MBP: variants seen among roughly 807,000 people sequenced by gnomAD.
The protein encoded by MBP is myelin basic protein.
Under a neutral mutation model 35.8 loss-of-function variants are expected in MBP, and 16 were observed. That is an observed-to-expected ratio of 0.45 (90% CI 0.30 to 0.68). The LOEUF (loss-of-function observed/expected upper bound fraction) is 0.68, where lower values mean the gene tolerates loss of function less well. Among genes scored for constraint, MBP ranks in the 30% least tolerant of loss-of-function variants. The pLI is 0.08. For synonymous variants in MBP, 143 were observed against 159.6 expected (o/e 0.90, Z 0.78); for missense variants, 380 against 404.7 (o/e 0.94, Z 0.52).
chr18:77,016,762 G>T (rs368665621), intron 4 of MBP, 70 bp downstream of exon 4: 4 of 1,569,246 alleles, frequency 2.5e-6, no homozygotes, highest in Non-Finnish European at 3.4e-6. Context: ...TCTAATGGCT[G>T]AGTTCACCTA....
intron 3 of MBP, among the ~76,000 whole-genome samples, chr18:77,061,585 G>C (rs546404285): frequency 6.6e-6 from 1 of 152,276 alleles, no homozygotes; most frequent in South Asian, 2.1e-4. Flanking sequence ...GAGACTTCAG[G>C]CTGGCCGGGG....
chr18:77,084,415 C>CCA (rs1174076255), intron 2 of MBP, among the ~76,000 whole-genome samples: 1 of 44,324 alleles, frequency 2.3e-5, no homozygotes, highest in Non-Finnish European at 5.5e-5. Flanking sequence ...AACACCGCCC[C>CCA]CCCCGCCACA....
At chr18:77,007,930 T>C (rs71360986) in intron 4 of MBP, among the ~76,000 whole-genome samples, 34,777 of 152,170 alleles carry the variant, frequency 0.23, 4,699 homozygotes, top group Non-Finnish European at 0.31. Flanking sequence ...CTAAATAATT[T>C]TTTTTAGAAG....
intron 1 of MBP, among the ~76,000 whole-genome samples, chr18:77,121,192 C>T (rs1035065935): frequency 2.0e-5 from 3 of 151,896 alleles, no homozygotes; most frequent in Non-Finnish European, 4.4e-5. Context: ...GTCTGTGGTC[C>T]CAGCTACTCA....
At position 77,100,551 on chromosome 18, in the gene MBP, TGG is replaced by T. The variant is rs1491139924; in HGVS notation, c.51+4658_51+4659del. The stretch of plus-strand genomic sequence containing the variant: ...TGTGTGTGTGTGTGTGTGTGTTTTG[TGG>T]TTTTTTCTTTTTTTTGAGACAGGGT... On this transcript the variant is annotated intron_variant, in intron 2 of 8. Transcript: ENST00000355994. 1.9e-3 allele frequency among the ~76,000 whole-genome samples: 265 copies of T among 136,336 alleles called. 4 individuals carry two copies. The highest frequency in any genetic ancestry group is 6.6e-3 in the African/African-American group (250 of 37,854). 89.4% of individuals were successfully genotyped at this position (136,336 alleles called of 152,430 possible).
chr18:77,110,784 C>CATG (rs1290147703), intron 1 of MBP, among the ~76,000 whole-genome samples: 1 of 152,050 alleles, frequency 6.6e-6, no homozygotes, highest in Non-Finnish European at 1.5e-5. Flanking sequence ...ACATGTTATA[C>CATG]CTAAACAGAC....
At position 77,036,920 on chromosome 18, in the gene MBP, G is replaced by A. The variant is rs1380653474; in HGVS notation, c.140-19652C>T. 1.1e-3 allele frequency among the ~76,000 whole-genome samples: 83 copies of A among 77,276 alleles called. 14 individuals carry two copies. The highest frequency in any genetic ancestry group is 4.5e-3 in the East Asian group (6 of 1,326). The allele number at this position is 77,276 out of a possible 152,430, so 50.7% of individuals were successfully genotyped here. A position where few individuals can be genotyped will look rare whatever the true frequency, so the allele number is the denominator to read the frequency against. ...GCTGAGCAAGTGCTGGTCACATTTT[G>A]GAGACTGAGCTGAGCAAGTGCTGGT... On this transcript the variant is annotated intron_variant, in intron 3 of 8. Coordinates refer to ENST00000355994, the MANE Select transcript of MBP (RefSeq NM_001025101.2).
In MBP at chr18:77,027,080, G is replaced by A. The variant is rs535437872; in HGVS notation, c.140-9812C>T. Reference sequence around the variant, plus strand: ...TATTTGCATCGTTCCCATCTAAATGGGGATTCCCAGACTTCATAGGCCAGT... The same window carrying A: ...TATTTGCATCGTTCCCATCTAAATGAGGATTCCCAGACTTCATAGGCCAGT... On this transcript the variant is annotated intron_variant, in intron 3 of 8. Transcript: ENST00000355994. 5.3e-5 allele frequency among the ~76,000 whole-genome samples: 8 copies of A among 152,148 alleles called. 1 individual carries two copies. In the East Asian group the frequency reaches 1.5e-3, roughly 29 times the overall value.
chr18:77,098,394 T>C (rs1481732430), intron 2 of MBP, among the ~76,000 whole-genome samples: 1 of 152,188 alleles, frequency 6.6e-6, no homozygotes, highest in Non-Finnish European at 1.5e-5. Flanking sequence ...GGAATTTTCA[T>C]GTACAAAGTT....
chr18:77,000,708 G>GT (rs897871439), intron 4 of MBP, among the ~76,000 whole-genome samples: 106 of 152,074 alleles, frequency 7.0e-4, no homozygotes, highest in Non-Finnish European at 1.1e-3. Flanking sequence ...GGTTGTTGTT[G>GT]TTTTTTTTGT....
At chr18:77,038,509 GTTTC>G (rs1972862605) in intron 3 of MBP, among the ~76,000 whole-genome samples, 1 of 152,210 alleles carries the variant, frequency 6.6e-6, no homozygotes, top group African/African-American at 2.4e-5. Context: ...CATATTTGGT[GTTTC>G]TTTGCTATCA....
rs1344404067 is a variant in MBP, at chr18:76,987,302, AAATT to A, written c.750+1189_750+1192del. 4 of 985,354 alleles carry A rather than the reference AAATT, an allele frequency of 4.1e-6. No homozygotes were observed. In the African/African-American group the frequency reaches 5.2e-5, roughly 13 times the overall value. The allele number at this position is 985,354 out of a possible 1,614,324, so 61.0% of individuals were successfully genotyped here. A position where few individuals can be genotyped will look rare whatever the true frequency, so the allele number is the denominator to read the frequency against. The stretch of plus-strand genomic sequence containing the variant: ...GTCTCCTGCTGGCATAGAAAATAAA[AAATT>A]AATTGTGAGTACTAGTCCATGTACA... On this transcript the variant is annotated intron_variant, in intron 7 of 8. Coordinates refer to ENST00000355994, the MANE Select transcript of MBP (RefSeq NM_001025101.2).
chr18:77,032,988 G>C (rs144901993), intron 3 of MBP, among the ~76,000 whole-genome samples: 46 of 152,142 alleles, frequency 3.0e-4, no homozygotes, highest in African/African-American at 1.1e-3. Flanking sequence ...TATTTTTTGA[G>C]GCTGAGTCTC....
intron 2 of MBP, among the ~76,000 whole-genome samples, chr18:77,093,954 C>T (rs915823917): frequency 5.3e-5 from 8 of 150,698 alleles, no homozygotes; most frequent in Admixed American, 3.3e-4. Flanking sequence ...TGACTATTCA[C>T]GGGTTTTTAA....
In MBP at chr18:76,985,395, A is replaced by T. The variant is rs945172710; in HGVS notation, c.751-501T>A. On this transcript the variant is annotated intron_variant, in intron 7 of 8. Coordinates refer to ENST00000355994, the MANE Select transcript of MBP (RefSeq NM_001025101.2). ...TTGCTGATTGATTTGCACAGATTGG[A>T]TTCTGGTCACATGTGCCCTGTGGTT... 6.5e-6 allele frequency: 8 copies of T among 1,238,270 alleles called. No homozygotes were observed. The African/African-American group carries it at 1.2e-4, about 19-fold the overall frequency. The allele number at this position is 1,238,270 out of a possible 1,614,324, so 76.7% of individuals were successfully genotyped here.
At chr18:76,996,894 A>T (rs1296019968) in intron 4 of MBP, among the ~76,000 whole-genome samples, 1 of 152,174 alleles carries the variant, frequency 6.6e-6, no homozygotes, top group East Asian at 1.9e-4. Context: ...GCCATTTAAC[A>T]TGAGCTGTCA....
In MBP at chr18:76,990,018, G is replaced by A; in HGVS notation, c.619C>T (p.Pro207Ser). Residue 207 changes from proline (P) to serine (S), a missense_variant, in exon 5 of 9, where the codon CCC becomes TCC. Pro to Ser is a moderately conservative substitution (Grantham distance 74). Coordinates refer to ENST00000355994, the MANE Select transcript of MBP (RefSeq NM_001025101.2). ...TGGGTCCGGCCGTGTGACTTCTGGG[G>A]CAGGGAGCCGTAGTGAGCAGTTCTT... ...PARTAHYGSL[P>S]QKSHGRTQDE... 6.2e-7 allele frequency: 1 copy of A among 1,613,090 alleles called. No individual in the cohort carries two copies. The highest frequency in any genetic ancestry group is 8.5e-7 in the Non-Finnish European group (1 of 1,179,968).
At chr18:77,103,923 G>A (rs1229910122) in intron 2 of MBP, among the ~76,000 whole-genome samples, 1 of 152,262 alleles carries the variant, frequency 6.6e-6, no homozygotes, top group Non-Finnish European at 1.5e-5. Context: ...GCGGACAATG[G>A]CAAATGCCGT....
At chr18:77,081,827 C>CACACATATATATACACACACTATATAT (rs55907718) in intron 2 of MBP, among the ~76,000 whole-genome samples, 3 of 51,568 alleles carry the variant, frequency 5.8e-5, no homozygotes, top group Non-Finnish European at 9.3e-5. Context: ...TATACACACA[C>CACACATATATATACACACACTATATAT]ACACACACAC....
Sources: gnomAD v4.1 joint callset for allele counts (sites outside exome capture counted in the v4.1 genomes callset) on GRCh38, gnomAD v4.1.1 for gene constraint, MANE v1.5 for transcripts, NCBI Gene and HGNC (gene_info 2026-07-23, HGNC 2026-07-21) for gene names.